The following RRM2B variants were observed in gnomAD, a reference collection of about 807,000 sequenced individuals.
The protein encoded by RRM2B is ribonucleotide reductase regulatory TP53 inducible subunit M2B.
RRM2B carries 20 observed loss-of-function variants against 45.9 expected under a neutral mutation model. The ratio of observed to expected loss-of-function variants is 0.44; its 90% confidence interval spans 0.31 to 0.63. RRM2B has a LOEUF of 0.63. RRM2B is among the 30% of genes least tolerant of loss of function. The probability of loss-of-function intolerance (pLI) is 0.09; values close to 1 mark genes in which losing one functional copy is unlikely to be tolerated. For synonymous variants in RRM2B, 124 were observed against 132.3 expected (o/e 0.94, Z 0.43); for missense variants, 320 against 414.7 (o/e 0.77, Z 1.98).
chr8:102,212,087 TTTA>T (rs1164828405), intron 8 of RRM2B, among the ~76,000 whole-genome samples: 2 of 152,156 alleles, frequency 1.3e-5, no homozygotes, highest in African/African-American at 4.8e-5. Flanking sequence ...CTAGTGTGAG[TTTA>T]TTATGTGTCT....
At chr8:102,238,259 G>A (rs12675394) in intron 1 of RRM2B, among the ~76,000 whole-genome samples, 1 of 152,240 alleles carries the variant, frequency 6.6e-6, no homozygotes, top group East Asian at 1.9e-4. Flanking sequence ...GTGACACCCC[G>A]AAGATTCAGT....
intron 2 of RRM2B, 80 bp downstream of exon 2, chr8:102,232,063 TAAGTTA>T: frequency 1.7e-6 from 2 of 1,181,602 alleles, no homozygotes; most frequent in Admixed American, 1.7e-5. Flanking sequence ...CTTCAATGTA[TAAGTTA>T]AAGTTATTCA....
intron 5 of RRM2B, among the ~76,000 whole-genome samples, chr8:102,219,464 A>G (rs1251279515): frequency 6.6e-6 from 1 of 152,196 alleles, no homozygotes. Context: ...AAATAGATAA[A>G]CCCAACTGAG....
intron 6 of RRM2B, among the ~76,000 whole-genome samples, chr8:102,216,903 G>A (rs910284684): frequency 6.6e-6 from 1 of 151,970 alleles, no homozygotes; most frequent in South Asian, 2.1e-4. Flanking sequence ...GCTAGATGGG[G>A]CTGAAAATTG....
intron 2 of RRM2B, among the ~76,000 whole-genome samples, chr8:102,228,616 G>T (rs1810974672): frequency 6.6e-6 from 1 of 152,224 alleles, no homozygotes; most frequent in Non-Finnish European, 1.5e-5. Context: ...GGGCTTCAAG[G>T]GTTGTGGGTA....
chr8:102,217,538 A>C (rs1388557327), intron 6 of RRM2B, among the ~76,000 whole-genome samples: 1 of 152,148 alleles, frequency 6.6e-6, no homozygotes, highest in Non-Finnish European at 1.5e-5. Context: ...TAGTTGAAGA[A>C]ACCAAGGTTC....
chr8:102,238,496 GCTC>G, intron 1 of RRM2B: 1 of 1,353,958 alleles, frequency 7.4e-7, no homozygotes, highest in Non-Finnish European at 9.7e-7. Flanking sequence ...CCTGGCCAGG[GCTC>G]CAAAACAGGG....
At chr8:102,236,118 T>C (rs1484193340) in intron 1 of RRM2B, among the ~76,000 whole-genome samples, 1 of 152,162 alleles carries the variant, frequency 6.6e-6, no homozygotes, top group Non-Finnish European at 1.5e-5. Flanking sequence ...AAAGTAGGAA[T>C]GATGTGATTT....
At chr8:102,216,703 A>G (rs999186725) in intron 6 of RRM2B, among the ~76,000 whole-genome samples, 2 of 152,144 alleles carry the variant, frequency 1.3e-5, no homozygotes, top group African/African-American at 4.8e-5. Flanking sequence ...GGCAAAAGAT[A>G]AAAGTAGGCA....
chr8:102,208,392 G>T, intron 8 of RRM2B, 107 bp from the exon 9 acceptor site: 2 of 822,798 alleles, frequency 2.4e-6, no homozygotes, highest in Non-Finnish European at 2.0e-6. Context: ...AACCTATCTA[G>T]TCAGCTACAA....
chr8:102,224,792 T>A, intron 4 of RRM2B, 93 bp downstream of exon 4: 1 of 1,257,898 alleles, frequency 7.9e-7, no homozygotes, highest in Non-Finnish European at 1.1e-6. Context: ...CATACTTGAA[T>A]AATCTTTCCT....
chr8:102,226,369 T>C lies in RRM2B; in HGVS notation c.205-335A>G, dbSNP rs28999706. On this transcript the variant is annotated intron_variant, in intron 2 of 8. Coordinates refer to ENST00000251810, the MANE Select transcript of RRM2B (RefSeq NM_015713.5). Reference sequence around the variant, plus strand: ...AACATCATGTCATACACCTTAAACATACACAATAAAATTTATCTTTAAAAA... The same window carrying C: ...AACATCATGTCATACACCTTAAACACACACAATAAAATTTATCTTTAAAAA... Among the ~76,000 whole-genome samples the C allele has an allele frequency of 0.054, 8,177 of 151,700 alleles. 261 individuals are homozygous for C. The highest frequency in any genetic ancestry group is 0.14 in the Middle Eastern group (40 of 294).
chr8:102,231,370 C>T (rs1043448979), intron 2 of RRM2B, among the ~76,000 whole-genome samples: 2 of 152,184 alleles, frequency 1.3e-5, no homozygotes, highest in African/African-American at 4.8e-5. Context: ...CTGGCTGACT[C>T]GGGAGTGAGT....
In RRM2B at chr8:102,218,898, T is replaced by C. The variant is rs757041740; in HGVS notation, c.600A>G (p.Gly200=). The change falls in exon 6 of 9, where the codon GGA becomes GGG. Residue 200 remains glycine (G), a synonymous_variant. Transcript: ENST00000251810. The stretch of plus-strand genomic sequence containing the variant: ...TTAGCCAGAATATAGCAGCAAAAGA[T>C]CCTGAGAAGAAAACTCCTTCTACAG... The part of the protein sequence containing the change: ...FAAVEGVFFS[G]SFAAIFWLKK... The C allele has an allele frequency of 1.2e-6, 2 of 1,613,604 alleles. No individual in the cohort carries two copies. The highest frequency in any genetic ancestry group is 2.2e-5 in the South Asian group (2 of 91,070).
chr8:102,212,676 T>A lies in RRM2B; in HGVS notation c.903+100A>T, dbSNP rs1361964041. The A allele has an allele frequency of 4.3e-6, 3 of 692,676 alleles. No homozygotes were observed. In the Admixed American group the frequency reaches 8.1e-5, roughly 19 times the overall value. 42.9% of individuals were successfully genotyped at this position (692,676 alleles called of 1,614,324 possible). A position where few individuals can be genotyped will look rare whatever the true frequency, so the allele number is the denominator to read the frequency against. On this transcript the variant is annotated intron_variant, in intron 8 of 8. Transcript: ENST00000251810. ...GTCTCTGTCATTGACATTTAAAAAA[T>A]AGAATAGTATGTTACAAATGCTTTC...
chr8:102,216,866 G>C (rs1345714458), intron 6 of RRM2B, among the ~76,000 whole-genome samples: 1 of 152,056 alleles, frequency 6.6e-6, no homozygotes, highest in Non-Finnish European at 1.5e-5. Flanking sequence ...ATTCTGGTGA[G>C]AGTATGGTAG....
Position 102,205,202 on chromosome 8 carries a change from C to T in RRM2B, c.*2931G>A, listed in dbSNP as rs1425593898. ...TTTATCATTAAAAATCAGCTCCTGACATTAGCCCTTAGTTCAGTATCTACA... is the reference window on the plus strand; with the variant it reads ...TTTATCATTAAAAATCAGCTCCTGATATTAGCCCTTAGTTCAGTATCTACA... On this transcript the variant is annotated 3_prime_UTR_variant, in exon 9 of 9. Coordinates refer to ENST00000251810, the MANE Select transcript of RRM2B (RefSeq NM_015713.5). The T allele has an allele frequency of 1.3e-5, 2 of 152,172 alleles. No homozygotes were observed. The highest frequency in any genetic ancestry group is 4.8e-5 in the African/African-American group (2 of 41,460). 9.4% of individuals were successfully genotyped at this position (152,172 alleles called of 1,614,324 possible). A position where few individuals can be genotyped will look rare whatever the true frequency, so the allele number is the denominator to read the frequency against.
intron 6 of RRM2B, among the ~76,000 whole-genome samples, chr8:102,218,277 GGACACTGATATTAAGAAT>G (rs1810766695): frequency 1.3e-5 from 2 of 152,230 alleles, no homozygotes; most frequent in African/African-American, 4.8e-5. Context: ...GAACCTAGGA[GGACACTGATATTAAGAAT>G]GACCAGGAGA....
intron 5 of RRM2B, among the ~76,000 whole-genome samples, chr8:102,223,600 C>T (rs957758512): frequency 6.8e-6 from 1 of 147,784 alleles, no homozygotes; most frequent in African/African-American, 2.5e-5. Context: ...GAGGCTGAGG[C>T]AGGGAGAATT....
Sources: allele counts gnomAD v4.1 joint callset (sites outside exome capture counted in the v4.1 genomes callset), GRCh38; gene constraint gnomAD v4.1.1; transcripts MANE v1.5; gene names NCBI Gene and HGNC (gene_info 2026-07-23, HGNC 2026-07-21).